Variants in TLN2 observed in about 807,000 individuals in gnomAD.
The protein encoded by TLN2 is talin 2.
Under a neutral mutation model 294.7 loss-of-function variants are expected in TLN2, and 118 were observed. The ratio of observed to expected loss-of-function variants is 0.40; its 90% CI spans 0.34 to 0.47. The LOEUF is 0.47. Among genes scored for constraint, TLN2 ranks in the 20% least tolerant of loss-of-function variants. The pLI is 0.84. For synonymous variants in TLN2, 1,431 were observed against 1,304.5 expected, an observed-to-expected ratio of 1.10 and a Z score of -2.09; for missense variants, 3,083 against 3,282.2, an observed-to-expected ratio of 0.94 and a Z score of 1.48.
chr15:62,749,035 G>A (rs940070750), intron 33 of TLN2, among the ~76,000 whole-genome samples: 3 of 152,220 alleles, frequency 2.0e-5, no homozygotes, highest in Non-Finnish European at 2.9e-5. Context: ...TATCCCCATA[G>A]AATGTGTGTG....
chr15:62,770,227 A>C (rs1156284132), intron 41 of TLN2, among the ~76,000 whole-genome samples: 2 of 152,158 alleles, frequency 1.3e-5, no homozygotes, highest in African/African-American at 4.8e-5. Context: ...CTCAGTGAGG[A>C]AATGGAAGTT....
In TLN2 at chr15:62,620,837, CTTTTTTTTTTT is replaced by C. The variant is rs71129016; in HGVS notation, c.-37+2373_-37+2383del. Among the ~76,000 whole-genome samples, 5 of 66,414 alleles carry C rather than the reference CTTTTTTTTTTT, an allele frequency of 7.5e-5. No homozygotes were observed. The South Asian group carries it at 1.8e-3, about 23-fold the overall frequency. 43.6% of individuals were successfully genotyped at this position (66,414 alleles called of 152,430 possible). A position where few individuals can be genotyped will look rare whatever the true frequency, so the allele number is the denominator to read the frequency against. ...GCTTCTTTTTTTTTTCTTTCTTTTT[CTTTTTTTTTTT>C]TTTTTTTTTTCTGAGACGGAGTCTC... On this transcript the variant is annotated intron_variant, in intron 3 of 58. Transcript: ENST00000636159.
intron 51 of TLN2, among the ~76,000 whole-genome samples, chr15:62,806,195 T>TA (rs79475833): frequency 0.016 from 2,303 of 148,060 alleles, 26 homozygotes; most frequent in Middle Eastern, 0.039. Flanking sequence ...CCTGTCCGTT[T>TA]AAAAAAAAAA....
intron 1 of TLN2, among the ~76,000 whole-genome samples, chr15:62,462,284 T>C (rs1168963306): frequency 6.6e-6 from 1 of 152,062 alleles, no homozygotes; most frequent in Non-Finnish European, 1.5e-5. Context: ...AATAATAAAC[T>C]AAATGATGGA....
Position 62,677,806 on chromosome 15 carries a change from C to T in TLN2, c.957+2485C>T, listed in dbSNP as rs1297155526. 7.7e-4 allele frequency among the ~76,000 whole-genome samples: 58 copies of T among 75,262 alleles called. 5 individuals are homozygous for T. The highest frequency in any genetic ancestry group is 8.4e-4 in the Non-Finnish European group (35 of 41,464). The allele number at this position is 75,262 out of a possible 152,430, so 49.4% of individuals were successfully genotyped here. ...TTAAGAAAGTAGGCAGCACTTGCAA[C>T]TTTTTTTTTTTTTTTGAGACGGAGA... On this transcript the variant is annotated intron_variant, in intron 11 of 58. Coordinates refer to ENST00000636159, the MANE Select transcript of TLN2 (RefSeq NM_015059.3).
chr15:62,643,588 C>G (rs1260579168), intron 3 of TLN2, among the ~76,000 whole-genome samples: 2 of 151,996 alleles, frequency 1.3e-5, no homozygotes, highest in African/African-American at 2.4e-5. Flanking sequence ...TGCCCTGCCC[C>G]CTCTTGAGAT....
intron 1 of TLN2, among the ~76,000 whole-genome samples, chr15:62,470,838 A>G (rs543562740): frequency 1.3e-5 from 2 of 152,366 alleles, no homozygotes; most frequent in African/African-American, 2.4e-5. Context: ...GAGAGAACAT[A>G]TCAAGACAAA....
intron 1 of TLN2, among the ~76,000 whole-genome samples, chr15:62,392,512 C>T (rs2032184370): frequency 6.6e-6 from 1 of 152,274 alleles, no homozygotes; most frequent in South Asian, 2.1e-4. Flanking sequence ...TTGGAGGCAG[C>T]GACCTCTCTG....
intron 37 of TLN2, 64 bp downstream of exon 37, chr15:62,755,757 A>G: frequency 2.5e-6 from 4 of 1,585,054 alleles, no homozygotes; most frequent in Non-Finnish European, 3.4e-6. Flanking sequence ...GGGAAGGGGA[A>G]CAAGATTTAA....
intron 9 of TLN2, among the ~76,000 whole-genome samples, chr15:62,665,183 C>T (rs1487445566): frequency 6.6e-6 from 1 of 152,000 alleles, no homozygotes; most frequent in Admixed American, 6.6e-5. Context: ...TCACCTCAGC[C>T]TCTCAAGTAG....
intron 1 of TLN2, among the ~76,000 whole-genome samples, chr15:62,467,480 G>A (rs2037204576): frequency 6.6e-6 from 1 of 152,144 alleles, no homozygotes; most frequent in South Asian, 2.1e-4. Flanking sequence ...ATCACCTGAG[G>A]TCAGGAGTTC....
Position 62,580,241 on chromosome 15 carries a change from G to A in TLN2, c.-237-9446G>A, listed in dbSNP as rs143773191. Reference sequence around the variant, plus strand: ...GGTTTACAACAAAATTGAGTGGGAAGTACAGAGAGTTCCTTTATATCTACT... The same window carrying A: ...GGTTTACAACAAAATTGAGTGGGAAATACAGAGAGTTCCTTTATATCTACT... On this transcript the variant is annotated intron_variant, in intron 1 of 58. Coordinates refer to ENST00000636159, the MANE Select transcript of TLN2 (RefSeq NM_015059.3). Among the ~76,000 whole-genome samples the A allele has an allele frequency of 5.9e-5, 9 of 152,314 alleles. No homozygotes were observed. In the East Asian group the frequency reaches 1.7e-3, roughly 29 times the overall value.
chr15:62,658,041 T>G, intron 9 of TLN2, 143 bp downstream of exon 9: 1 of 789,048 alleles, frequency 1.3e-6, no homozygotes, highest in East Asian at 2.9e-5. Flanking sequence ...ATCGAGTAGA[T>G]GACCAAATTT....
At chr15:62,707,347 T>A in intron 20 of TLN2, 94 bp downstream of exon 20, 1 of 1,398,218 alleles carries the variant, frequency 7.2e-7, no homozygotes, top group Non-Finnish European at 9.5e-7. Context: ...AGAATTTGTT[T>A]AAATAGTCCG....
At chr15:62,410,718 T>A (rs1408758643) in intron 1 of TLN2, among the ~76,000 whole-genome samples, 1 of 152,226 alleles carries the variant, frequency 6.6e-6, no homozygotes, top group Non-Finnish European at 1.5e-5. Context: ...TAGAACCACA[T>A]CTGGCACATG....
chr15:62,675,109 T>C lies in TLN2; in HGVS notation c.853-108T>C, dbSNP rs151328026. ...GGTCTCAGACACAACCATCACTTAATGATCATTCCTAGCCATTTATCTCCA... is the reference window on the plus strand; with the variant it reads ...GGTCTCAGACACAACCATCACTTAACGATCATTCCTAGCCATTTATCTCCA... On this transcript the variant is annotated intron_variant, in intron 10 of 58. Coordinates refer to ENST00000636159, the MANE Select transcript of TLN2 (RefSeq NM_015059.3). 17 of 981,414 alleles carry C rather than the reference T, an allele frequency of 1.7e-5. 1 individual carries two copies. In the African/African-American group the frequency reaches 1.9e-4, roughly 11 times the overall value. 60.8% of individuals were successfully genotyped at this position (981,414 alleles called of 1,614,324 possible). A position where few individuals can be genotyped will look rare whatever the true frequency, so the allele number is the denominator to read the frequency against.
At chr15:62,546,588 C>A (rs184487551) in intron 1 of TLN2, among the ~76,000 whole-genome samples, 1 of 152,212 alleles carries the variant, frequency 6.6e-6, no homozygotes, top group African/African-American at 2.4e-5. Flanking sequence ...TTTGTTTTTT[C>A]TATCCAGTTG....
chr15:62,450,242 T>G (rs897406576), intron 1 of TLN2, among the ~76,000 whole-genome samples: 11 of 152,114 alleles, frequency 7.2e-5, no homozygotes, highest in African/African-American at 2.7e-4. Context: ...TACCCTTGGA[T>G]GGAGCATGAG....
In TLN2 at chr15:62,797,364, G is replaced by C; in HGVS notation, c.6196G>C (p.Gly2066Arg). The C allele has an allele frequency of 6.2e-7, 1 of 1,612,492 alleles. No homozygotes were observed. Among genetic ancestry groups the C allele is most frequent in the Non-Finnish European group, 8.5e-7 (1 of 1,179,654 alleles). ...ITQLAEVVKL[G>R]AASLGSDDPE... ...CCAGCTCGCAGAAGTGGTCAAGCTG[G>C]GGGCAGCCAGCCTGGGCTCCGACGA... The change falls in exon 48 of 59, where the codon GGG becomes CGG. Residue 2066 changes from glycine to arginine, a missense_variant. Gly to Arg is a moderately radical substitution (Grantham distance 125). Transcript: ENST00000636159.
Sources: gnomAD v4.1 joint callset for allele counts (sites outside exome capture counted in the v4.1 genomes callset) on GRCh38, gnomAD v4.1.1 for gene constraint, MANE v1.5 for transcripts, NCBI Gene and HGNC (gene_info 2026-07-23, HGNC 2026-07-21) for gene names.